SEL1L2: variants seen among roughly 807,000 people sequenced by gnomAD.
SEL1L2 encodes the protein SEL1L2 adaptor subunit of SYVN1 ubiquitin ligase, also known as protein sel-1 homolog 2.
A neutral mutation model predicts 98.8 loss-of-function variants in SEL1L2; 89 were observed. The observed-to-expected ratio is 0.90, with a 90% confidence interval of 0.76 to 1.07. SEL1L2 has a LOEUF of 1.07. Among genes scored for constraint, SEL1L2 ranks in the 50% least tolerant of loss-of-function variants. SEL1L2 has a pLI of 0.00. For missense variants in SEL1L2, 788 were observed against 812.0 expected (o/e 0.97, Z 0.36); for synonymous variants, 262 against 278.5 (o/e 0.94, Z 0.59).
At chr20:13,932,586 C>T (rs886588439) in intron 2 of SEL1L2, among the ~76,000 whole-genome samples, 2 of 151,916 alleles carry the variant, frequency 1.3e-5, no homozygotes, top group African/African-American at 4.8e-5. Flanking sequence ...TGCATGCCAC[C>T]GTGCCTAGCT....
chr20:13,861,233 T>C (rs963971138), intron 17 of SEL1L2, among the ~76,000 whole-genome samples: 1 of 152,182 alleles, frequency 6.6e-6, no homozygotes, highest in Non-Finnish European at 1.5e-5. Context: ...TGTAGTGCAA[T>C]GGCATGATCT....
chr20:13,920,776 A>G (rs1228398269), intron 3 of SEL1L2, among the ~76,000 whole-genome samples: 1 of 152,212 alleles, frequency 6.6e-6, no homozygotes, highest in African/African-American at 2.4e-5. Context: ...TATCTTTCTG[A>G]CAAGCAATCA....
intron 2 of SEL1L2, among the ~76,000 whole-genome samples, chr20:13,954,869 G>C (rs1427034684): frequency 6.6e-6 from 1 of 152,196 alleles, no homozygotes; most frequent in East Asian, 1.9e-4. Context: ...AAGACAAACT[G>C]AGATTTAGGT....
chr20:13,994,436 CTCT>C (rs1470628020), upstream of SEL1L2, among the ~76,000 whole-genome samples: 4 of 151,038 alleles, frequency 2.6e-5, no homozygotes, highest in African/African-American at 9.7e-5. Flanking sequence ...TCTTCCTTTT[CTCT>C]TCTATTATTT....
intron 17 of SEL1L2, among the ~76,000 whole-genome samples, chr20:13,862,968 A>G (rs1990412881): frequency 6.6e-6 from 1 of 152,110 alleles, no homozygotes; most frequent in Non-Finnish European, 1.5e-5. Flanking sequence ...AAGTGCTAGG[A>G]TTACAGGCAT....
rs772457627 is a variant in SEL1L2, at chr20:13,909,479, G to T, written c.549+4303C>A. On this transcript the variant is annotated intron_variant, in intron 5 of 19. Transcript: ENST00000284951. ...AAAATATAGAACTGAATCCATCAAAGCACTGGAATTTAATCCAGCTATAGT... is the reference window on the plus strand; with the variant it reads ...AAAATATAGAACTGAATCCATCAAATCACTGGAATTTAATCCAGCTATAGT... Among the ~76,000 whole-genome samples, 76 of 152,170 alleles carry T rather than the reference G, an allele frequency of 5.0e-4. 1 individual carries two copies. Among genetic ancestry groups the T allele is most frequent in the Non-Finnish European group, 9.8e-4 (67 of 68,030 alleles).
chr20:13,952,683 T>A (rs768009468), intron 2 of SEL1L2, among the ~76,000 whole-genome samples: 1 of 152,200 alleles, frequency 6.6e-6, no homozygotes, highest in Non-Finnish European at 1.5e-5. Context: ...CCATTCATCT[T>A]CAATCTATAC....
At chr20:13,963,553 TA>T (rs2050885297) in intron 1 of SEL1L2, among the ~76,000 whole-genome samples, 1 of 151,628 alleles carries the variant, frequency 6.6e-6, no homozygotes, top group Non-Finnish European at 1.5e-5. Context: ...CCGTCTCTAC[TA>T]AAAATACAAA....
intron 5 of SEL1L2, among the ~76,000 whole-genome samples, chr20:13,912,996 G>C (rs1349651123): frequency 1.3e-5 from 2 of 152,250 alleles, no homozygotes; most frequent in Non-Finnish European, 2.9e-5. Context: ...AAAGGGTTTT[G>C]TTAAGTAGCT....
chr20:13,986,807 G>A (rs1366122742), intron 1 of SEL1L2, among the ~76,000 whole-genome samples: 1 of 152,096 alleles, frequency 6.6e-6, no homozygotes, highest in African/African-American at 2.4e-5. Context: ...GTATAGGTTG[G>A]TGCAAAAGTA....
At chr20:13,898,293 G>T (rs1020344282) in intron 5 of SEL1L2, among the ~76,000 whole-genome samples, 1 of 152,160 alleles carries the variant, frequency 6.6e-6, no homozygotes, top group African/African-American at 2.4e-5. Flanking sequence ...CCCCACTGGA[G>T]ATGGGAGGCT....
intron 1 of SEL1L2, among the ~76,000 whole-genome samples, chr20:13,961,152 T>C (rs986671537): frequency 2.6e-5 from 4 of 152,040 alleles, no homozygotes; most frequent in Non-Finnish European, 5.9e-5. Context: ...CAGGGCAGAG[T>C]GGGATTCAAA....
In SEL1L2 at chr20:13,850,300, C is replaced by A; in HGVS notation, c.1838G>T (p.Arg613Ile). Residue 613 changes from arginine to isoleucine, a missense_variant, in exon 19 of 20, where the codon AGA (arginine) becomes ATA (isoleucine). Transcript: ENST00000284951. ...CGTTTGAGCAGCCATGTCGTACAAT[C>A]TTCTGGCCAAGTGAATGTCCTAGAA... ...GITKDIHLAR[R>I]LYDMAAQTSP... 6.2e-7 allele frequency: 1 copy of A among 1,614,074 alleles called. No homozygotes were observed. The highest frequency in any genetic ancestry group is 1.1e-5 in the South Asian group (1 of 91,090).
chr20:13,903,848 A>G (rs1324877055), intron 5 of SEL1L2, among the ~76,000 whole-genome samples: 1 of 152,182 alleles, frequency 6.6e-6, no homozygotes, highest in Non-Finnish European at 1.5e-5. Context: ...CCATAGGGTC[A>G]CGAGGAGAAT....
At chr20:13,958,858 G>A (rs1356958620) in intron 1 of SEL1L2, among the ~76,000 whole-genome samples, 1 of 150,616 alleles carries the variant, frequency 6.6e-6, no homozygotes, top group Admixed American at 6.6e-5. Context: ...AGGAGGCAGA[G>A]CTTGCAGTGA....
intron 2 of SEL1L2, among the ~76,000 whole-genome samples, chr20:13,950,106 G>A (rs1396320460): frequency 6.6e-6 from 1 of 152,120 alleles, no homozygotes; most frequent in Non-Finnish European, 1.5e-5. Context: ...ACTTAGATGA[G>A]GTACCTAAAG....
intron 5 of SEL1L2, among the ~76,000 whole-genome samples, chr20:13,897,327 C>T (rs2047466410): frequency 6.6e-6 from 1 of 152,110 alleles, no homozygotes; most frequent in South Asian, 2.1e-4. Flanking sequence ...AGAGGAAAAG[C>T]TTCATGACAT....
intron 1 of SEL1L2, among the ~76,000 whole-genome samples, chr20:13,965,956 C>CAA (rs199731856): frequency 0.1 from 11,141 of 110,070 alleles, 552 homozygotes; most frequent in Middle Eastern, 0.2. Flanking sequence ...GATTCTGTCT[C>CAA]AAAAAAAAAA....
intron 1 of SEL1L2, among the ~76,000 whole-genome samples, chr20:13,957,107 CTT>C (rs528436688): frequency 1.4e-5 from 2 of 146,286 alleles, no homozygotes; most frequent in Non-Finnish European, 3.0e-5. Context: ...TTTATTTCTA[CTT>C]TTTTTTTTTT....
Sources: allele counts gnomAD v4.1 joint callset (sites outside exome capture counted in the v4.1 genomes callset), GRCh38; gene constraint gnomAD v4.1.1; transcripts MANE v1.5; gene names NCBI Gene and HGNC (gene_info 2026-07-23, HGNC 2026-07-21).